Variants in SLC2A3 observed in about 807,000 individuals in gnomAD.
SLC2A3 encodes solute carrier family 2 member 3, also known as solute carrier family 2, facilitated glucose transporter member 3.
In SLC2A3, 21 loss-of-function variants were observed where a neutral mutation model predicts 46.4. The ratio of observed to expected loss-of-function variants is 0.45; its 90% confidence interval spans 0.32 to 0.65. The LOEUF (loss-of-function observed/expected upper bound fraction) is 0.65. SLC2A3 is among the 30% of genes least tolerant of loss of function. SLC2A3 has a pLI of 0.04. For synonymous variants in SLC2A3, 213 were observed against 239.4 expected (o/e 0.89, Z 1.02); for missense variants, 499 against 623.3 (o/e 0.80, Z 2.12).
intron 7 of SLC2A3, 103 bp downstream of exon 7, chr12:7,925,741 A>T (rs1241434938): frequency 5.4e-6 from 5 of 917,916 alleles, no homozygotes; most frequent in East Asian, 2.4e-5. Context: ...AAATTAAGCA[A>T]CAAAAAGGTA....
chr12:7,926,348 C>T (rs1946094688), intron 6 of SLC2A3, among the ~76,000 whole-genome samples: 1 of 152,126 alleles, frequency 6.6e-6, no homozygotes, highest in South Asian at 2.1e-4. Context: ...GCCTTGGCCT[C>T]CCAAAGTGCT....
At chr12:7,933,240 C>T (rs1946176959) in intron 2 of SLC2A3, 93 bp from the exon 3 acceptor site, 1 of 1,368,788 alleles carries the variant, frequency 7.3e-7, no homozygotes, top group South Asian at 1.3e-5. Context: ...CCTAGAGAAT[C>T]AAGGGAATAA....
In SLC2A3 at chr12:7,921,326, G is replaced by C; in HGVS notation, c.*87C>G. On this transcript the variant is annotated 3_prime_UTR_variant, in exon 10 of 10. Coordinates refer to ENST00000075120, the MANE Select transcript of SLC2A3 (RefSeq NM_006931.3). Reference sequence around the variant, plus strand: ...GAATTAAGTAGCAGCATTCAGAAGCGTCCTGGGTTCATCCTGATGAGGTCT... The same window carrying C: ...GAATTAAGTAGCAGCATTCAGAAGCCTCCTGGGTTCATCCTGATGAGGTCT... The C allele has an allele frequency of 1.2e-6, 2 of 1,602,712 alleles. No homozygotes were observed. The highest frequency in any genetic ancestry group is 8.5e-7 in the Non-Finnish European group (1 of 1,173,232).
rs201655602 is a variant in SLC2A3 at position 7,922,827 on chromosome 12, G to A, written c.1266C>T (p.Ser422=). The A allele has an allele frequency of 4.6e-4, 738 of 1,613,964 alleles. 11 individuals are homozygous for A. The South Asian group carries it at 6.3e-3, about 14-fold the overall frequency. Residue 422 remains serine, a synonymous_variant, in exon 9 of 10, where the codon TCC becomes TCT. Transcript: ENST00000075120. ...SNFLVGLLFP[S]AAHYLGAYVF... ...ATAAGGTGAGTTTACTTACAGCAGC[G>A]GAGGGGAAGAGCAATCCGACTAGGA... is the stretch of plus-strand genomic sequence containing the variant.
rs1946014042 is a variant in SLC2A3 at position 7,919,494 on chromosome 12, T to TCACTGCAACCCCTGCGTG, written c.*1918_*1919insCACGCAGGGGTTGCAGTG. ...TAGAGTGCAATGATGCGATCTCCGC[T>TCACTGCAACCCCTGCGTG]CACTGCAACCCCTGCGTCCCGGGTT... On this transcript the variant is annotated 3_prime_UTR_variant, in exon 10 of 10. Coordinates refer to ENST00000075120, the MANE Select transcript of SLC2A3 (RefSeq NM_006931.3). The TCACTGCAACCCCTGCGTG allele has an allele frequency of 6.6e-6, 1 of 151,904 alleles. No homozygotes were observed. The highest frequency in any genetic ancestry group is 1.5e-5 in the Non-Finnish European group (1 of 67,986). The allele number at this position is 151,904 out of a possible 1,614,324, so 9.4% of individuals were successfully genotyped here.
In SLC2A3 at chr12:7,931,317, C is replaced by T. The variant is rs747972603; in HGVS notation, c.438G>A (p.Ser146=). 2 of 1,614,144 alleles carry T rather than the reference C, an allele frequency of 1.2e-6. No homozygotes were observed. Among genetic ancestry groups the T allele is most frequent in the East Asian group, 2.2e-5 (1 of 44,876 alleles). ...GFVPMYIGEI[S]PTALRGAFGT... is the part of the protein sequence containing the mutation. Reference sequence around the variant, plus strand: ...CAAAGGCACCCCGCAGGGCAGTAGGCGAGATCTCTCCAATGTACATGGGCA... The same window carrying T: ...CAAAGGCACCCCGCAGGGCAGTAGGTGAGATCTCTCCAATGTACATGGGCA... The change falls in exon 4 of 10, where the codon TCG becomes TCA. Residue 146 remains serine, a synonymous_variant. Transcript: ENST00000075120.
intron 4 of SLC2A3, among the ~76,000 whole-genome samples, 186 bp from the exon 5 acceptor site, chr12:7,930,828 GCT>G (rs1254425879): frequency 2.0e-5 from 2 of 101,570 alleles, no homozygotes; most frequent in Non-Finnish European, 3.6e-5. Context: ...ACGGAGTCTT[GCT>G]CTGTCACCCA....
intron 6 of SLC2A3, among the ~76,000 whole-genome samples, chr12:7,928,631 C>T (rs113542068): frequency 0.024 from 3,655 of 151,994 alleles, 147 homozygotes; most frequent in African/African-American, 0.082. Flanking sequence ...TAAAGAGGTG[C>T]TCATTCTCAG....
chr12:7,922,077 A>G (rs776654563), intron 9 of SLC2A3, among the ~76,000 whole-genome samples: 1 of 151,864 alleles, frequency 6.6e-6, no homozygotes, highest in Non-Finnish European at 1.5e-5. Context: ...GCTGGAGAGC[A>G]GAAGGTTGAT....
Position 7,924,480 on chromosome 12 carries a change from G to A in SLC2A3, c.998C>T (p.Thr333Ile), listed in dbSNP as rs769669713. Residue 333 changes from threonine to isoleucine, a missense_variant, in exon 8 of 10, where the codon ACT (threonine) becomes ATT (isoleucine). By Grantham distance (89) the Thr-to-Ile change is moderately conservative. Transcript: ENST00000075120. ...CCCTCCAAGGCCTATCATATGCAGA[G>A]TCCTTCTTCCTGCCCTTTCCACCAG... ...LFLVERAGRRTLHMIGLGGMA... is the reference protein window; with the variant it reads ...LFLVERAGRRILHMIGLGGMA... 16 of 1,606,990 alleles carry A rather than the reference G, an allele frequency of 1.0e-5. No homozygotes were observed. The highest frequency in any genetic ancestry group is 2.7e-5 in the African/African-American group (2 of 73,194).
At chr12:7,934,685 TC>T (rs1328716739) in intron 1 of SLC2A3, among the ~76,000 whole-genome samples, 1 of 151,498 alleles carries the variant, frequency 6.6e-6, no homozygotes, top group Admixed American at 6.6e-5. Context: ...TCTACGCCAT[TC>T]CCCCCCACCC....
intron 1 of SLC2A3, 62 bp from the exon 2 acceptor site, chr12:7,933,964 T>C: frequency 6.7e-7 from 1 of 1,485,264 alleles, no homozygotes; most frequent in Non-Finnish European, 9.4e-7. Flanking sequence ...TGACTGTTTC[T>C]TATTAATTAT....
intron 1 of SLC2A3, among the ~76,000 whole-genome samples, chr12:7,934,729 T>C (rs2121203834): frequency 6.6e-6 from 1 of 151,984 alleles, no homozygotes; most frequent in Admixed American, 6.5e-5. Context: ...CTTTCATATC[T>C]TAAACTCCTT....
At chr12:7,927,548 G>A (rs1946108210) in intron 6 of SLC2A3, among the ~76,000 whole-genome samples, 4 of 142,830 alleles carry the variant, frequency 2.8e-5, no homozygotes, top group African/African-American at 9.8e-5. Context: ...TGCCCATAAG[G>A]GAAATTAGAA....
chr12:7,932,473 G>GTGCCT (rs1414542916), intron 3 of SLC2A3, among the ~76,000 whole-genome samples: 2 of 152,078 alleles, frequency 1.3e-5, no homozygotes, highest in African/African-American at 4.8e-5. Flanking sequence ...CCACCACACC[G>GTGCCT]TGCCTAATTG....
chr12:7,923,063 C>T (rs1446828219), intron 8 of SLC2A3, 39 bp from the exon 9 acceptor site: 6 of 1,570,656 alleles, frequency 3.8e-6, no homozygotes, highest in Non-Finnish European at 5.2e-6. Flanking sequence ...AATTTAAAGA[C>T]AGTGTAACCT....
chr12:7,931,206 G>A, intron 4 of SLC2A3, 39 bp downstream of exon 4: 2 of 1,609,012 alleles, frequency 1.2e-6, no homozygotes, highest in South Asian at 2.2e-5. Flanking sequence ...AATGACCCAT[G>A]AAACTAACAC....
intron 3 of SLC2A3, among the ~76,000 whole-genome samples, chr12:7,931,786 A>G (rs1946158646): frequency 6.6e-6 from 1 of 152,044 alleles, no homozygotes; most frequent in African/African-American, 2.4e-5. Context: ...TTGGGGGGTA[A>G]AAAAACAAAA....
chr12:7,935,018 G>A (rs755665266), intron 1 of SLC2A3, among the ~76,000 whole-genome samples: 19 of 151,928 alleles, frequency 1.3e-4, no homozygotes, highest in East Asian at 3.9e-4. Flanking sequence ...TTGTAGAGAT[G>A]GGATCTCACT....
Sources: gnomAD v4.1 joint callset for allele counts (sites outside exome capture counted in the v4.1 genomes callset) on GRCh38, gnomAD v4.1.1 for gene constraint, MANE v1.5 for transcripts, NCBI Gene and HGNC (gene_info 2026-07-23, HGNC 2026-07-21) for gene names.